Variants in UNC79 observed in about 807,000 individuals in gnomAD.
UNC79 encodes unc-79 subunit of NALCN channel complex.
A neutral mutation model predicts 283.1 loss-of-function variants in UNC79; 37 were observed. That is an observed-to-expected ratio of 0.13 (90% CI 0.10 to 0.17). The LOEUF (loss-of-function observed/expected upper bound fraction) is 0.17. Ranked by LOEUF, UNC79 falls within the 10% of genes least tolerant of loss-of-function variation. UNC79 has a pLI of 1.00. For synonymous variants in UNC79, 1,107 were observed against 1,200.2 expected, an observed-to-expected ratio of 0.92 and a Z score of 1.61; for missense variants, 2,272 against 3,211.1, an observed-to-expected ratio of 0.71 and a Z score of 7.07.
At position 93,447,352 on chromosome 14, in the gene UNC79, A is replaced by G. The variant is rs577188322; in HGVS notation, c.22+16301A>G. Among the ~76,000 whole-genome samples the G allele has an allele frequency of 2.6e-5, 4 of 152,206 alleles. No homozygotes were observed. The East Asian group carries it at 7.7e-4, about 29-fold the overall frequency. On this transcript the variant is annotated intron_variant, in intron 1 of 48. Transcript: ENST00000555664. ...GTACTTCCTTAATTTTTCACAGTTA[A>G]TAACGTACTACCTTATTTAAAATAT...
chr14:93,651,317 C>G (rs950277035), intron 35 of UNC79, among the ~76,000 whole-genome samples: 1 of 152,088 alleles, frequency 6.6e-6, no homozygotes, highest in Non-Finnish European at 1.5e-5. Context: ...TCATTCTTAT[C>G]AAAAAAGTCT....
intron 18 of UNC79, among the ~76,000 whole-genome samples, chr14:93,579,100 G>T (rs1295099931): frequency 6.6e-6 from 1 of 152,078 alleles, no homozygotes; most frequent in Non-Finnish European, 1.5e-5. Flanking sequence ...GCTTCCTTAT[G>T]AATTAATTTG....
chr14:93,690,105 C>T lies in UNC79; in HGVS notation c.7086-12C>T. On this transcript the variant is annotated splice_polypyrimidine_tract_variant and intron_variant, in intron 44 of 48. Coordinates refer to ENST00000555664, the Ensembl canonical transcript of UNC79. This position sits in a 1 kb window ranked among gnomAD's most constrained non-coding sequence, Gnocchi z 4.3. ...CATAAAATCATCTTTAACACTCCTT[C>T]TTCTCTAATAGACCTAAAGAATTCA... 2 of 1,612,680 alleles carry T rather than the reference C, an allele frequency of 1.2e-6. No homozygotes were observed. Among genetic ancestry groups the T allele is most frequent in the South Asian group, 2.2e-5 (2 of 90,838 alleles).
Position 93,598,404 on chromosome 14 carries a change from GTGT to G in UNC79, c.3372+865_3372+867del, listed in dbSNP as rs764980320. On this transcript the variant is annotated intron_variant, in intron 24 of 48. Coordinates refer to ENST00000555664, the Ensembl canonical transcript of UNC79. ...TGTGTGTGTGTGTGTGTGTGTGTGT[GTGT>G]GTGGCAGATTTTAAAACTAGGTTGG... Among the ~76,000 whole-genome samples the G allele has an allele frequency of 8.0e-3, 1,196 of 149,658 alleles. 19 individuals carry two copies. Among genetic ancestry groups the G allele is most frequent in the African/African-American group, 0.028 (1,131 of 40,960 alleles).
intron 1 of UNC79, among the ~76,000 whole-genome samples, chr14:93,432,640 A>G (rs2055923297): frequency 6.6e-6 from 1 of 152,168 alleles, no homozygotes; most frequent in African/African-American, 2.4e-5. Context: ...TTCAAAATTA[A>G]GTTTTGCTTT....
chr14:93,593,716 G>C (rs545809831), exon 23 of UNC79: 4 of 1,613,402 alleles, frequency 2.5e-6, no homozygotes, highest in African/African-American at 2.7e-5. Flanking sequence ...TCTCTCAGCT[G>C]TCTTCCCTGG....
At position 93,542,374 on chromosome 14, in the gene UNC79, T is replaced by C. The variant is rs1595808129; in HGVS notation, c.1525-92T>C. 7 of 1,277,774 alleles carry C rather than the reference T, an allele frequency of 5.5e-6. No homozygotes were observed. In the East Asian group the frequency reaches 1.8e-4, roughly 32 times the overall value. The allele number at this position is 1,277,774 out of a possible 1,614,324, so 79.2% of individuals were successfully genotyped here. A position where few individuals can be genotyped will look rare whatever the true frequency, so the allele number is the denominator to read the frequency against. ...TTCAAACAGATTATCTGGGATATCT[T>C]TTTATTTTTATTTTTTGCCTCTTAA... is the stretch of plus-strand genomic sequence containing the variant. On this transcript the variant is annotated intron_variant, in intron 13 of 48. Transcript: ENST00000555664.
intron 14 of UNC79, among the ~76,000 whole-genome samples, chr14:93,555,528 C>G (rs750341606): frequency 6.6e-5 from 10 of 152,078 alleles, no homozygotes; most frequent in Non-Finnish European, 1.3e-4. Context: ...CTCAGCCTCC[C>G]AAGTAGCTGG....
chr14:93,468,658 A>G (rs764952), intron 2 of UNC79, among the ~76,000 whole-genome samples: 130,780 of 152,210 alleles, frequency 0.86, 56,315 homozygotes, highest in East Asian at 0.93. Context: ...AGCAGTCGAA[A>G]GCTTTGCCAC....
At chr14:93,349,712 T>C (rs894167321) in intron 1 of UNC79, among the ~76,000 whole-genome samples, 1 of 152,228 alleles carries the variant, frequency 6.6e-6, no homozygotes, top group Non-Finnish European at 1.5e-5. Context: ...AAGTGTTTTC[T>C]CACACCAATT....
chr14:93,343,007 A>G (rs2053745329), intron 1 of UNC79, among the ~76,000 whole-genome samples: 1 of 152,236 alleles, frequency 6.6e-6, no homozygotes. Flanking sequence ...TATTTTGGTC[A>G]AAACCATTCC....
intron 7 of UNC79, among the ~76,000 whole-genome samples, chr14:93,513,839 T>G (rs764029100): frequency 7.2e-5 from 11 of 152,210 alleles, no homozygotes; most frequent in Non-Finnish European, 1.6e-4. Flanking sequence ...GGACTTAAAT[T>G]TATAACTTGT....
At chr14:93,541,624 G>T (rs1289309642) in intron 13 of UNC79, among the ~76,000 whole-genome samples, 1 of 152,156 alleles carries the variant, frequency 6.6e-6, no homozygotes, top group East Asian at 1.9e-4. Context: ...CAAGGACAAT[G>T]TTTTATTTAT....
At chr14:93,337,573 C>G (rs2053605877) in intron 1 of UNC79, among the ~76,000 whole-genome samples, 1 of 152,244 alleles carries the variant, frequency 6.6e-6, no homozygotes, top group South Asian at 2.1e-4. Flanking sequence ...TGGGCTGCCA[C>G]CTCACATGAT....
At chr14:93,671,452 C>A (rs2072845441) in intron 40 of UNC79, among the ~76,000 whole-genome samples, 1 of 151,918 alleles carries the variant, frequency 6.6e-6, no homozygotes, top group Non-Finnish European at 1.5e-5. Context: ...CCAGAATATA[C>A]AAGGAACTCA....
intron 6 of UNC79, among the ~76,000 whole-genome samples, 176 bp from the exon 7 acceptor site, chr14:93,496,981 G>T (rs4900187): frequency 0.86 from 130,326 of 152,244 alleles, 55,944 homozygotes; most frequent in East Asian, 0.93. Context: ...AATAAATCAT[G>T]AAAATATAAT....
At chr14:93,443,223 CTAAA>C (rs58351659) in intron 1 of UNC79, among the ~76,000 whole-genome samples, 13,391 of 144,644 alleles carry the variant, frequency 0.093, 661 homozygotes, top group Middle Eastern at 0.15. Context: ...GAGTCAGTCT[CTAAA>C]TAAATAAATA....
chr14:93,361,780 G>C (rs2054232916), intron 1 of UNC79, among the ~76,000 whole-genome samples: 1 of 152,114 alleles, frequency 6.6e-6, no homozygotes. Context: ...TGGTTCTCAA[G>C]GGGAATGCTT....
At chr14:93,348,153 C>CA in intron 1 of UNC79, 2 of 1,340,478 alleles carry the variant, frequency 1.5e-6, no homozygotes, top group South Asian at 1.2e-5. Context: ...TGTTAACGTC[C>CA]AAAAAACTTT....
Sources: allele counts gnomAD v4.1 joint callset (sites outside exome capture counted in the v4.1 genomes callset), GRCh38; gene constraint gnomAD v4.1.1; non-coding constraint Gnocchi (gnomAD v3.1); transcripts MANE v1.5; gene names NCBI Gene and HGNC (gene_info 2026-07-23, HGNC 2026-07-21).